C4orf51: variants seen among roughly 807,000 people sequenced by gnomAD.
The protein encoded by C4orf51 is uncharacterized protein C4orf51.
A neutral mutation model predicts 25.2 loss-of-function variants in C4orf51; 25 were observed. The observed-to-expected ratio is 0.99, with a 90% CI of 0.72 to 1.39. C4orf51 has a LOEUF of 1.39. Ranked by LOEUF, C4orf51 falls within the 40% of genes most tolerant of loss-of-function variation. The pLI, the probability that C4orf51 is intolerant of heterozygous loss-of-function variation, is 0.00. For synonymous variants in C4orf51, 100 were observed against 84.5 expected (o/e 1.18, Z -1.01); for missense variants, 252 against 239.6 (o/e 1.05, Z -0.34).
chr4:145,779,926 T>TA, the C4orf51 span, among the ~76,000 whole-genome samples: 1 of 152,318 alleles, frequency 6.6e-6, no homozygotes, highest in African/African-American at 2.4e-5. Context: ...CTTGGTCACT[T>TA]ACACCTGTAA....
At position 145,712,790 on chromosome 4, in the gene C4orf51, C is replaced by A. The variant is rs1031257900; in HGVS notation, c.308-14121C>A. Among the ~76,000 whole-genome samples the A allele has an allele frequency of 1.3e-5, 2 of 152,202 alleles. 1 individual carries two copies. Among genetic ancestry groups the A allele is most frequent in the South Asian group, 4.1e-4 (2 of 4,832 alleles). On this transcript the variant is annotated intron_variant, in intron 2 of 5. Coordinates refer to ENST00000438731, the MANE Select transcript of C4orf51 (RefSeq NM_001080531.3). ...AACAGTCTTCTGTTGGAAGAAGATG[C>A]CATCTAGAACTTTCATAGCTAGAGA...
At chr4:145,769,768 G>T (rs1374719535) in intron 1 of C4orf51, among the ~76,000 whole-genome samples, 1 of 152,104 alleles carries the variant, frequency 6.6e-6, no homozygotes, top group East Asian at 1.9e-4. Flanking sequence ...CTGTGCACAG[G>T]TGATGCAACT....
At chr4:145,747,744 TTTCCTTCC>T (rs1319981800) in intron 1 of C4orf51, among the ~76,000 whole-genome samples, 7 of 145,618 alleles carry the variant, frequency 4.8e-5, no homozygotes, top group Non-Finnish European at 9.1e-5. Context: ...CTCTTTTTCT[TTTCCTTCC>T]TTCCTTCCTT....
chr4:145,750,952 T>C (rs972123419), intron 1 of C4orf51, among the ~76,000 whole-genome samples: 2 of 152,206 alleles, frequency 1.3e-5, no homozygotes, highest in African/African-American at 4.8e-5. Context: ...TTCTTTAGTA[T>C]GTCAATCACA....
At chr4:145,700,316 C>G (rs1015362539) in intron 2 of C4orf51, among the ~76,000 whole-genome samples, 1 of 151,758 alleles carries the variant, frequency 6.6e-6, no homozygotes, top group Non-Finnish European at 1.5e-5. Context: ...AGGGTAAGAA[C>G]CCCCAAATCC....
chr4:145,733,049 C>T (rs1416125811), downstream of C4orf51, among the ~76,000 whole-genome samples: 2 of 152,160 alleles, frequency 1.3e-5, no homozygotes, highest in Non-Finnish European at 2.9e-5. Flanking sequence ...CGGGGGCGGC[C>T]TCAGACGCGG....
chr4:145,782,252 C>T, the C4orf51 span, among the ~76,000 whole-genome samples: 2 of 152,180 alleles, frequency 1.3e-5, no homozygotes, highest in Admixed American at 6.5e-5. Context: ...AACATGACCT[C>T]GAAATCACGG....
chr4:145,743,762 G>A (rs1733221815), intron 1 of C4orf51, among the ~76,000 whole-genome samples: 1 of 152,136 alleles, frequency 6.6e-6, no homozygotes, highest in African/African-American at 2.4e-5. Context: ...GTCTTTGTTT[G>A]GTTTCATTGT....
rs773331979 is a variant in C4orf51, at chr4:145,729,222, A to T, written c.420A>T (p.Gly140=). The T allele has an allele frequency of 1.6e-5, 25 of 1,603,386 alleles. 3 individuals carry two copies. In the South Asian group the frequency reaches 2.8e-4, roughly 18 times the overall value. Residue 140 remains glycine (G), a synonymous_variant, in exon 4 of 6, where the codon GGA becomes GGT. Coordinates refer to ENST00000438731, the MANE Select transcript of C4orf51 (RefSeq NM_001080531.3). ...GDCFPTPPNY[G]KYCVRPKKPA... ...GTTTTCCGACACCTCCAAATTATGG[A>T]AAATACTGTAAGTCCCATCCTGAAC...
chr4:145,725,599 T>C (rs1732010335), intron 2 of C4orf51, among the ~76,000 whole-genome samples: 1 of 107,216 alleles, frequency 9.3e-6, no homozygotes. Flanking sequence ...TATTCAGCAA[T>C]TAAAAAAAAG....
intron 1 of C4orf51, among the ~76,000 whole-genome samples, chr4:145,749,063 G>GTATATATATATATATA (rs142948635): frequency 8.6e-5 from 12 of 140,000 alleles, no homozygotes; most frequent in Non-Finnish European, 1.6e-4. Context: ...GTGTGTGTGT[G>GTATATATATATATATA]TGTATATATA....
At chr4:145,694,482 C>T (rs1265647678) in intron 1 of C4orf51, among the ~76,000 whole-genome samples, 1 of 94,998 alleles carries the variant, frequency 1.1e-5, no homozygotes, top group Non-Finnish European at 2.2e-5. Context: ...GCCAGCCGCC[C>T]CGTCCGGGAG....
intron 1 of C4orf51, chr4:145,760,720 G>GTTTTTTTTTTTTTTTTTTTTT (rs10715391): frequency 1.5e-6 from 1 of 672,792 alleles, no homozygotes; most frequent in Non-Finnish European, 1.8e-6. Context: ...AAGTTTTGTG[G>GTTTTTTTTTTTTTTTTTTTTT]TTTTTTTTTT....
intron 2 of C4orf51, among the ~76,000 whole-genome samples, chr4:145,718,742 C>T (rs1247871252): frequency 6.6e-6 from 1 of 152,230 alleles, no homozygotes; most frequent in Non-Finnish European, 1.5e-5. Flanking sequence ...TCTCATTTCA[C>T]ACCTTCTCCC....
intron 1 of C4orf51, among the ~76,000 whole-genome samples, chr4:145,750,534 C>T (rs560033634): frequency 6.8e-6 from 1 of 147,852 alleles, no homozygotes; most frequent in South Asian, 2.1e-4. Flanking sequence ...TTGTATGTTA[C>T]TTGTTTCTTT....
At chr4:145,750,272 G>T (rs1324773802) in intron 1 of C4orf51, among the ~76,000 whole-genome samples, 1 of 151,370 alleles carries the variant, frequency 6.6e-6, no homozygotes, top group Non-Finnish European at 1.5e-5. Context: ...TTTTTTTCCT[G>T]ATTAAAGAAC....
Position 145,761,756 on chromosome 4 carries a change from G to A in C4orf51, n.167-9232G>A, listed in dbSNP as rs186631453. Among the ~76,000 whole-genome samples, 77 of 152,262 alleles carry A rather than the reference G, an allele frequency of 5.1e-4. No homozygotes were observed. The highest frequency in any genetic ancestry group is 9.2e-4 in the Admixed American group (14 of 15,300). On this transcript the variant is annotated intron_variant and non_coding_transcript_variant, in intron 1 of 1. Coordinates refer to the C4orf51 transcript ENST00000510096. The surrounding 1 kb of genome is among the most constrained non-coding windows in gnomAD (Gnocchi z 6.8). ...CCCTGCCGCCTCTCAGGGGTGGAACGGCCCTTTTTGGCTCTCCCTGCTGAC... is the reference window on the plus strand; with the variant it reads ...CCCTGCCGCCTCTCAGGGGTGGAACAGCCCTTTTTGGCTCTCCCTGCTGAC...
chr4:145,746,873 C>G (rs1733398015), intron 1 of C4orf51, among the ~76,000 whole-genome samples: 1 of 151,694 alleles, frequency 6.6e-6, no homozygotes, highest in Non-Finnish European at 1.5e-5. Flanking sequence ...TTTTTGTGTC[C>G]TCTTCAATTT....
At chr4:145,736,806 G>A (rs1218689394), downstream of C4orf51, among the ~76,000 whole-genome samples, 1 of 152,182 alleles carries the variant, frequency 6.6e-6, no homozygotes, top group African/African-American at 2.4e-5. Flanking sequence ...GTTCAAGTGA[G>A]AGATTCCAAG....
Sources: gnomAD v4.1 joint callset for allele counts (sites outside exome capture counted in the v4.1 genomes callset) on GRCh38, gnomAD v4.1.1 for gene constraint, Gnocchi (gnomAD v3.1) non-coding constraint, MANE v1.5 for transcripts, NCBI Gene and HGNC (gene_info 2026-07-23, HGNC 2026-07-21) for gene names.